BLTP1: variants seen among roughly 807,000 people sequenced by gnomAD.
BLTP1 encodes bridge-like lipid transfer protein family member 1.
the BLTP1 span, among the ~76,000 whole-genome samples, chr4:122,228,700 TTGTGTG>T: frequency 4.2e-3 from 640 of 151,276 alleles, 2 homozygotes; most frequent in African/African-American, 0.014. Context: ...CTTAGTGAAT[TTGTGTG>T]TGTGTGTGTG....
the BLTP1 span, among the ~76,000 whole-genome samples, chr4:122,260,469 C>T: frequency 3.7e-3 from 565 of 152,162 alleles, 4 homozygotes; most frequent in African/African-American, 0.013. Context: ...CAGAAAAATA[C>T]ATATACACAT....
At chr4:122,215,339 AACAG>A in the BLTP1 span, 1 of 962,038 alleles carries the variant, frequency 1.0e-6, no homozygotes, top group Non-Finnish European at 1.2e-6. Context: ...TTACAATGAT[AACAG>A]ACTACAAGGG....
chr4:122,328,261 G>T, the BLTP1 span: 2 of 1,610,932 alleles, frequency 1.2e-6, no homozygotes, highest in African/African-American at 1.3e-5. Flanking sequence ...GAGGGCCGAC[G>T]GGATGACAGT....
chr4:122,340,990 ATTT>A, the BLTP1 span: 3 of 202,648 alleles, frequency 1.5e-5, no homozygotes, highest in Admixed American at 2.0e-4. Flanking sequence ...ACTTTTTAAA[ATTT>A]AAAGTATCAT....
At chr4:122,245,056 A>G in the BLTP1 span, 2 of 1,612,420 alleles carry the variant, frequency 1.2e-6, no homozygotes, top group Non-Finnish European at 1.7e-6. Context: ...CTAGTACCCG[A>G]CATCCAGCTG....
the BLTP1 span, chr4:122,185,349 C>T: frequency 2.0e-6 from 2 of 984,272 alleles, no homozygotes; most frequent in Non-Finnish European, 1.2e-6. Context: ...GTAGTTCTTT[C>T]ATTTGGTAAC....
the BLTP1 span, chr4:122,224,689 A>G: frequency 6.2e-7 from 1 of 1,614,020 alleles, no homozygotes; most frequent in Non-Finnish European, 8.5e-7. Flanking sequence ...TATGGTTTTC[A>G]GAGTACTATC....
chr4:122,245,265 T>C, the BLTP1 span: 4 of 742,788 alleles, frequency 5.4e-6, no homozygotes, highest in Non-Finnish European at 8.8e-6. Flanking sequence ...TAAAAGCGTT[T>C]ATATGTCATT....
chr4:122,231,304 A>G, the BLTP1 span, among the ~76,000 whole-genome samples: 646 of 152,244 alleles, frequency 4.2e-3, 4 homozygotes, highest in African/African-American at 0.015. Context: ...CACCATTGCT[A>G]CCTTTTGAGT....
At chr4:122,254,780 A>G in the BLTP1 span, 3 of 1,479,070 alleles carry the variant, frequency 2.0e-6, no homozygotes, top group Admixed American at 2.5e-5. Context: ...ACTTGTTTTT[A>G]TAATTTTTTA....
chr4:122,352,560 A>T, the BLTP1 span, among the ~76,000 whole-genome samples: 2 of 151,816 alleles, frequency 1.3e-5, no homozygotes, highest in African/African-American at 4.8e-5. Context: ...GGGTTTCACC[A>T]TGTTGGCCAG....
At chr4:122,208,362 C>A in the BLTP1 span, 2 of 980,672 alleles carry the variant, frequency 2.0e-6, no homozygotes, top group African/African-American at 1.8e-5. Context: ...AACCACTCTA[C>A]CTTGCTGCCT....
the BLTP1 span, among the ~76,000 whole-genome samples, chr4:122,232,889 A>G: frequency 3.3e-5 from 5 of 152,078 alleles, no homozygotes; most frequent in African/African-American, 9.7e-5. Flanking sequence ...CTCTCCCCAC[A>G]TGGTAACTCA....
the BLTP1 span, among the ~76,000 whole-genome samples, chr4:122,258,209 G>A: frequency 2.0e-5 from 3 of 151,964 alleles, no homozygotes; most frequent in African/African-American, 7.2e-5. Context: ...ATGTTATGAT[G>A]TTTTGAAAAA....
chr4:122,249,488 T>C, the BLTP1 span: 1 of 1,612,884 alleles, frequency 6.2e-7, no homozygotes, highest in East Asian at 2.2e-5. Context: ...ATAATAGACA[T>C]TGGGACCTGT....
the BLTP1 span, chr4:122,246,303 C>T: frequency 3.9e-6 from 6 of 1,558,304 alleles, no homozygotes; most frequent in African/African-American, 8.3e-5. Flanking sequence ...CCAAAGGTAA[C>T]AATTTAATAT....
the BLTP1 span, chr4:122,205,041 C>T: frequency 6.5e-6 from 1 of 152,798 alleles, no homozygotes; most frequent in Non-Finnish European, 1.5e-5. Context: ...TGTTATTCTG[C>T]CATTTTAGTA....
At chr4:122,352,154 T>C in the BLTP1 span, among the ~76,000 whole-genome samples, 2 of 152,212 alleles carry the variant, frequency 1.3e-5, no homozygotes, top group African/African-American at 4.8e-5. Flanking sequence ...GTACTTAAAA[T>C]AAGGGGGTCT....
At chr4:122,152,686 A>G in the BLTP1 span, 6 of 957,334 alleles carry the variant, frequency 6.3e-6, no homozygotes, top group Admixed American at 1.8e-4. Context: ...TTGGCTTAGT[A>G]GTGGCTGCCT....
Sources: gnomAD v4.1 joint callset for allele counts (sites outside exome capture counted in the v4.1 genomes callset) on GRCh38, gnomAD v4.1.1 for gene constraint, MANE v1.5 for transcripts, NCBI Gene and HGNC (gene_info 2026-07-23, HGNC 2026-07-21) for gene names.